Variants in GPHN observed in about 807,000 individuals in gnomAD.
The protein encoded by GPHN is gephyrin.
Under a neutral mutation model 95.5 loss-of-function variants are expected in GPHN, and 17 were observed. The observed-to-expected ratio is 0.18, with a 90% confidence interval of 0.12 to 0.27. The LOEUF (loss-of-function observed/expected upper bound fraction) is 0.27. GPHN is among the 10% of genes least tolerant of loss of function. The pLI, the probability that GPHN is intolerant of heterozygous loss-of-function variation, is 1.00. For synonymous variants in GPHN, 320 were observed against 322.5 expected, an observed-to-expected ratio of 0.99 and a Z score of 0.08; for missense variants, 660 against 978.1, an observed-to-expected ratio of 0.67 and a Z score of 4.34.
At chr14:66,958,245 C>G (rs1451502779) in intron 8 of GPHN, among the ~76,000 whole-genome samples, 1 of 151,800 alleles carries the variant, frequency 6.6e-6, no homozygotes, top group East Asian at 1.9e-4. Context: ...TTTTTTGTCT[C>G]TTATAACAGT....
At chr14:66,548,036 G>A (rs984344287) in intron 1 of GPHN, among the ~76,000 whole-genome samples, 1 of 151,500 alleles carries the variant, frequency 6.6e-6, no homozygotes, top group South Asian at 2.1e-4. Flanking sequence ...CAGACTTGTT[G>A]GTATCATTTT....
chr14:67,638,412 G>T, the GPHN span, among the ~76,000 whole-genome samples: 2 of 152,164 alleles, frequency 1.3e-5, no homozygotes, highest in South Asian at 4.2e-4. Context: ...AAAGGATACA[G>T]TAGTAAAACC....
chr14:67,215,927 A>G, the GPHN span, among the ~76,000 whole-genome samples: 2 of 152,188 alleles, frequency 1.3e-5, no homozygotes, highest in African/African-American at 2.4e-5. Flanking sequence ...TGCCCAAAAC[A>G]AATGCCCTAA....
At chr14:66,544,394 T>G (rs895377176) in intron 1 of GPHN, among the ~76,000 whole-genome samples, 1 of 152,312 alleles carries the variant, frequency 6.6e-6, no homozygotes, top group Admixed American at 6.5e-5. Context: ...TCTTAATTTA[T>G]GTATTGTGTT....
At chr14:67,247,450 C>T in the GPHN span, among the ~76,000 whole-genome samples, 13 of 152,192 alleles carry the variant, frequency 8.5e-5, no homozygotes, top group Admixed American at 3.3e-4. Context: ...AGTAGACAGT[C>T]GTGCTCAAAA....
the GPHN span, among the ~76,000 whole-genome samples, chr14:67,636,526 A>C: frequency 2.6e-5 from 4 of 152,182 alleles, no homozygotes; most frequent in East Asian, 7.7e-4. Flanking sequence ...TCAGGGATTT[A>C]CTCACTAGCC....
At chr14:67,651,280 T>C in the GPHN span, 2 of 1,596,226 alleles carry the variant, frequency 1.3e-6, no homozygotes, top group African/African-American at 2.7e-5. Context: ...AGTGCATCCT[T>C]GAACTGTCAG....
chr14:66,807,735 T>C lies in GPHN; in HGVS notation c.202-16739T>C, dbSNP rs1459507585. On this transcript the variant is annotated intron_variant, in intron 3 of 22. Coordinates refer to ENST00000478722, the MANE Select transcript of GPHN (RefSeq NM_020806.5). ...TCAACAGAAGCATTTTGGTGTCTTATGTTTTATTAAATATACAAGAATTGA... is the reference window on the plus strand; with the variant it reads ...TCAACAGAAGCATTTTGGTGTCTTACGTTTTATTAAATATACAAGAATTGA... Among the ~76,000 whole-genome samples, 5 of 152,238 alleles carry C rather than the reference T, an allele frequency of 3.3e-5. No individual in the cohort carries two copies. The East Asian group carries it at 7.7e-4, about 23-fold the overall frequency.
At chr14:67,567,870 T>C in the GPHN span, among the ~76,000 whole-genome samples, 1 of 152,232 alleles carries the variant, frequency 6.6e-6, no homozygotes, top group Non-Finnish European at 1.5e-5. Flanking sequence ...CACGTCACCT[T>C]TGTTTTCCTT....
chr14:67,237,239 T>C, the GPHN span, among the ~76,000 whole-genome samples: 2 of 152,188 alleles, frequency 1.3e-5, no homozygotes, highest in Non-Finnish European at 1.5e-5. Context: ...CATACAATTA[T>C]GTGATTAGGC....
At chr14:67,661,887 G>C in the GPHN span, among the ~76,000 whole-genome samples, 1 of 152,150 alleles carries the variant, frequency 6.6e-6, no homozygotes, top group African/African-American at 2.4e-5. Flanking sequence ...CAGGCACGGT[G>C]GCTCATGCCT....
the GPHN span, among the ~76,000 whole-genome samples, chr14:67,660,703 G>A: frequency 6.6e-6 from 1 of 152,154 alleles, no homozygotes; most frequent in African/African-American, 2.4e-5. Context: ...TAAGTAAAAT[G>A]TAACACCTGG....
chr14:66,977,121 C>G (rs1319846117), intron 9 of GPHN, among the ~76,000 whole-genome samples: 1 of 152,112 alleles, frequency 6.6e-6, no homozygotes. Context: ...TGTTGTATAC[C>G]TGTGTTCTCT....
intron 1 of GPHN, among the ~76,000 whole-genome samples, chr14:66,571,810 CA>C (rs1320967154): frequency 3.9e-5 from 6 of 152,082 alleles, no homozygotes; most frequent in Non-Finnish European, 8.8e-5. Flanking sequence ...GACTCCGTCT[CA>C]AAAATGAAAA....
chr14:66,720,542 C>A (rs1449342800), intron 2 of GPHN, among the ~76,000 whole-genome samples: 1 of 152,120 alleles, frequency 6.6e-6, no homozygotes, highest in African/African-American at 2.4e-5. Context: ...AATATCAGAC[C>A]AGTTTTTCCA....
the GPHN span, among the ~76,000 whole-genome samples, chr14:67,189,108 A>C: frequency 6.6e-6 from 1 of 152,222 alleles, no homozygotes; most frequent in Non-Finnish European, 1.5e-5. Flanking sequence ...GGATATAGGG[A>C]AAGTGAATAA....
At chr14:67,391,140 C>G in the GPHN span, among the ~76,000 whole-genome samples, 1 of 152,182 alleles carries the variant, frequency 6.6e-6, no homozygotes, top group Non-Finnish European at 1.5e-5. Flanking sequence ...AACAAACCTA[C>G]AGCTACATGT....
the GPHN span, among the ~76,000 whole-genome samples, chr14:67,655,357 A>G: frequency 6.6e-6 from 1 of 152,100 alleles, no homozygotes; most frequent in Non-Finnish European, 1.5e-5. Flanking sequence ...ATGTAGGTTA[A>G]CTCATTTATG....
At chr14:66,693,063 A>G (rs1258685806) in intron 2 of GPHN, among the ~76,000 whole-genome samples, 1 of 151,966 alleles carries the variant, frequency 6.6e-6, no homozygotes, top group East Asian at 1.9e-4. Context: ...TACATATTAA[A>G]ATAAATAATA....
Sources: gnomAD v4.1 joint callset for allele counts (sites outside exome capture counted in the v4.1 genomes callset) on GRCh38, gnomAD v4.1.1 for gene constraint, MANE v1.5 for transcripts, NCBI Gene and HGNC (gene_info 2026-07-23, HGNC 2026-07-21) for gene names.